The following DIAPH2 variants were observed in gnomAD, a reference collection of about 807,000 sequenced individuals.
The protein encoded by DIAPH2 is diaphanous related formin 2.
Under a neutral mutation model 92.7 loss-of-function variants are expected in DIAPH2, and 35 were observed. The ratio of observed to expected loss-of-function variants is 0.38; its 90% CI spans 0.29 to 0.50. The LOEUF (loss-of-function observed/expected upper bound fraction) is 0.50. Ranked by LOEUF, DIAPH2 falls within the 20% of genes least tolerant of loss-of-function variation. The pLI, the probability that DIAPH2 is intolerant of heterozygous loss-of-function variation, is 0.94. For synonymous variants in DIAPH2, 301 were observed against 280.4 expected, an observed-to-expected ratio of 1.07 and a Z score of -0.73; for missense variants, 701 against 819.5, an observed-to-expected ratio of 0.86 and a Z score of 1.77.
chrX:97,474,765 CAA>C (rs34336113), intron 26 of DIAPH2, among the ~76,000 whole-genome samples: 69 of 91,339 alleles, frequency 7.6e-4, no homozygotes, highest in Middle Eastern at 6.0e-3. Context: ...GACTCCATCT[CAA>C]AAAAAAAAAA....
intron 25 of DIAPH2, among the ~76,000 whole-genome samples, chrX:97,427,865 T>G (rs923130702): frequency 9.1e-5 from 10 of 110,011 alleles, no homozygotes; most frequent in African/African-American, 1.3e-4. Flanking sequence ...TTTTATATTT[T>G]TAGTGGACTC....
chrX:97,352,577 A>G (rs1343014577), intron 24 of DIAPH2, among the ~76,000 whole-genome samples: 1 of 110,260 alleles, frequency 9.1e-6, no homozygotes, highest in Non-Finnish European at 1.9e-5. Flanking sequence ...GAGTTTAAAG[A>G]ACAGCATACA....
chrX:96,818,809 A>G (rs1237381357), intron 4 of DIAPH2, among the ~76,000 whole-genome samples: 3 of 112,536 alleles, frequency 2.7e-5, no homozygotes, highest in African/African-American at 9.7e-5. Flanking sequence ...CAATATAACA[A>G]TGTTGTATAG....
At chrX:96,934,989 G>C (rs1384898590) in intron 10 of DIAPH2, among the ~76,000 whole-genome samples, 1 of 111,765 alleles carries the variant, frequency 8.9e-6, no homozygotes, top group Non-Finnish European at 1.9e-5. Flanking sequence ...TTAATCAGCA[G>C]TGTACTGGCA....
intron 23 of DIAPH2, among the ~76,000 whole-genome samples, chrX:97,339,340 C>T (rs150727221): frequency 0.012 from 1,270 of 109,924 alleles, 19 homozygotes; most frequent in African/African-American, 0.04. Context: ...CATGATGAAA[C>T]CCCATCTCTA....
intron 9 of DIAPH2, among the ~76,000 whole-genome samples, chrX:96,919,948 G>C (rs1394101379): frequency 1.8e-5 from 2 of 109,276 alleles, no homozygotes; most frequent in Non-Finnish European, 3.8e-5. Flanking sequence ...CGATGGACGT[G>C]ATCTCAGCTT....
intron 1 of DIAPH2, among the ~76,000 whole-genome samples, chrX:96,712,940 C>T (rs1428689618): frequency 9.0e-6 from 1 of 111,125 alleles, no homozygotes; most frequent in Non-Finnish European, 1.9e-5. Flanking sequence ...GAGGAGAGAG[C>T]AGGAGTCTCA....
chrX:97,472,120 A>G (rs1569406276), intron 26 of DIAPH2, among the ~76,000 whole-genome samples: 1 of 112,352 alleles, frequency 8.9e-6, no homozygotes, highest in Non-Finnish European at 1.9e-5. Context: ...CTACATTTTT[A>G]AAAAATGAGT....
intron 22 of DIAPH2, among the ~76,000 whole-genome samples, chrX:97,222,650 A>G (rs770488051): frequency 8.9e-5 from 10 of 112,434 alleles, no homozygotes; most frequent in Non-Finnish European, 1.9e-4. Flanking sequence ...GATTTCTCCT[A>G]AATTCGCTTT....
intron 1 of DIAPH2, among the ~76,000 whole-genome samples, chrX:96,705,420 C>T (rs1171208738): frequency 8.9e-6 from 1 of 111,859 alleles, no homozygotes; most frequent in Non-Finnish European, 1.9e-5. Context: ...AATATATCAG[C>T]AGGAAATTTG....
At chrX:97,026,933 A>T (rs1369257738) in intron 17 of DIAPH2, among the ~76,000 whole-genome samples, 1 of 111,960 alleles carries the variant, frequency 8.9e-6, no homozygotes, top group Non-Finnish European at 1.9e-5. Flanking sequence ...AGAACAAAAA[A>T]CAGGTGATTC....
chrX:96,977,690 C>A (rs746125442), intron 17 of DIAPH2, among the ~76,000 whole-genome samples: 1 of 102,207 alleles, frequency 9.8e-6, no homozygotes, highest in East Asian at 3.0e-4. Flanking sequence ...AGTTTTTTTT[C>A]TTTTTTTTTT....
intron 22 of DIAPH2, among the ~76,000 whole-genome samples, chrX:97,187,993 G>A (rs187160591): frequency 8.9e-6 from 1 of 111,787 alleles, no homozygotes; most frequent in Admixed American, 9.5e-5. Context: ...GGATTACTCT[G>A]GGTGAAGATT....
Position 97,232,357 on chromosome X carries a change from C to T in DIAPH2, c.2720-15358C>T, listed in dbSNP as rs760272641. On this transcript the variant is annotated intron_variant, in intron 22 of 26. Transcript: ENST00000324765. The stretch of plus-strand genomic sequence containing the variant: ...TCAAGCGATTCTCCTGTCTCAGCCT[C>T]GCAAGTAGCTGGGATTACAGGCGTG... 1.1e-4 allele frequency among the ~76,000 whole-genome samples: 12 copies of T among 111,600 alleles called. 1 individual carries two copies. In the South Asian group the frequency reaches 2.3e-3, roughly 21 times the overall value.
At chrX:96,741,294 G>A (rs1362071946) in intron 3 of DIAPH2, among the ~76,000 whole-genome samples, 1 of 108,095 alleles carries the variant, frequency 9.3e-6, no homozygotes, top group Non-Finnish European at 1.9e-5. Flanking sequence ...TGGAAGCAAA[G>A]CACCTCACAA....
At chrX:96,813,534 T>G (rs1174436578) in intron 4 of DIAPH2, among the ~76,000 whole-genome samples, 2 of 111,557 alleles carry the variant, frequency 1.8e-5, no homozygotes, top group Admixed American at 9.5e-5. Context: ...TTTAAGGTTA[T>G]TATTGTTATG....
chrX:97,356,132 C>T (rs1232450707), intron 24 of DIAPH2, among the ~76,000 whole-genome samples: 1 of 111,578 alleles, frequency 9.0e-6, no homozygotes, highest in East Asian at 2.8e-4. Flanking sequence ...TTTCACAGGA[C>T]ACTTCATAAA....
intron 17 of DIAPH2, among the ~76,000 whole-genome samples, chrX:96,976,942 G>A (rs749827577): frequency 2.4e-4 from 27 of 110,572 alleles, no homozygotes; most frequent in Non-Finnish European, 5.1e-4. Flanking sequence ...TTGTTTTGTC[G>A]GTTAAGAAAC....
chrX:97,507,141 C>CAAAAAAAAAAAAAAAAAAAAA (rs397896097), intron 26 of DIAPH2, among the ~76,000 whole-genome samples: 1 of 31,122 alleles, frequency 3.2e-5, no homozygotes. Context: ...ACAAAACCGA[C>CAAAAAAAAAAAAAAAAAAAAA]AAAAAAAAAA....
Sources: gnomAD v4.1 joint callset for allele counts (sites outside exome capture counted in the v4.1 genomes callset) on GRCh38, gnomAD v4.1.1 for gene constraint, MANE v1.5 for transcripts, NCBI Gene and HGNC (gene_info 2026-07-23, HGNC 2026-07-21) for gene names.